Variants in SDR16C5 observed in about 807,000 individuals in gnomAD.
SDR16C5 encodes short chain dehydrogenase/reductase family 16C member 5.
A neutral mutation model predicts 27.7 loss-of-function variants in SDR16C5; 20 were observed. The observed-to-expected ratio is 0.72, with a 90% CI of 0.51 to 1.05. The LOEUF (loss-of-function observed/expected upper bound fraction) is 1.05. SDR16C5 is among the 50% of genes least tolerant of loss of function. The pLI is 0.00. For missense variants in SDR16C5, 374 were observed against 366.3 expected (o/e 1.02, Z -0.17); for synonymous variants, 139 against 132.3 (o/e 1.05, Z -0.35).
At chr8:56,310,280 GAGGAGGAGGAGGAAGGAGGAGGAGGAGGA>G in intron 3 of SDR16C5, among the ~76,000 whole-genome samples, 1 of 6,042 alleles carries the variant, frequency 1.7e-4, no homozygotes, top group Non-Finnish European at 3.8e-4. Flanking sequence ...GAGGAGGAAG[GAGGAGGAGGAGGAAGGAGGAGGAGGAGGA>G]AGGAGGAGGA....
At chr8:56,303,979 A>C in intron 6 of SDR16C5, 1 of 702,994 alleles carries the variant, frequency 1.4e-6, no homozygotes, top group Non-Finnish European at 2.6e-6. Context: ...GACTTAGTGA[A>C]TAGTGGGATC....
chr8:56,309,492 CT>C (rs1442386597), intron 3 of SDR16C5: 6 of 985,136 alleles, frequency 6.1e-6, no homozygotes, highest in Non-Finnish European at 7.2e-6. Context: ...TTAAACTCAT[CT>C]CTTATTTTTG....
chr8:56,314,019 C>T (rs1363158956), intron 2 of SDR16C5, among the ~76,000 whole-genome samples: 1 of 152,046 alleles, frequency 6.6e-6, no homozygotes, highest in African/African-American at 2.4e-5. Context: ...CCATCCTGGC[C>T]AACATGGTGA....
At chr8:56,309,054 T>C (rs1414734364) in intron 3 of SDR16C5, 27 bp from the exon 4 acceptor site, 1 of 1,482,686 alleles carries the variant, frequency 6.7e-7, no homozygotes, top group Non-Finnish European at 9.3e-7. Context: ...AAACTTTTAA[T>C]GTTTAATGCC....
intron 1 of SDR16C5, among the ~76,000 whole-genome samples, chr8:56,318,068 T>C (rs1432796250): frequency 6.6e-6 from 1 of 152,188 alleles, no homozygotes; most frequent in Non-Finnish European, 1.5e-5. Context: ...AAGCAACAGA[T>C]GTCTGCTGGA....
chr8:56,303,252 T>G (rs1046076764), intron 6 of SDR16C5, among the ~76,000 whole-genome samples: 2 of 150,626 alleles, frequency 1.3e-5, no homozygotes, highest in Non-Finnish European at 3.0e-5. Context: ...AAGGCGGGGG[T>G]TGCAGTGAGC....
At chr8:56,309,365 G>A in intron 3 of SDR16C5, 1 of 985,264 alleles carries the variant, frequency 1.0e-6, no homozygotes. Flanking sequence ...CAAACATGAT[G>A]CTTTAGATTT....
In SDR16C5 at chr8:56,310,552, T is replaced by C. The variant is rs548028258; in HGVS notation, c.466-1525A>G. Among the ~76,000 whole-genome samples, 36 of 152,012 alleles carry C rather than the reference T, an allele frequency of 2.4e-4. 3 individuals are homozygous for C. The South Asian group carries it at 7.5e-3, about 32-fold the overall frequency. ...GGCCAACATGGCAAAACCCTGTCTC[T>C]ACTAAAAGTACAAAAATTAGCTGGG... On this transcript the variant is annotated intron_variant, in intron 3 of 6. Coordinates refer to ENST00000303749, the MANE Select transcript of SDR16C5 (RefSeq NM_138969.4).
intron 5 of SDR16C5, among the ~76,000 whole-genome samples, chr8:56,305,961 T>A (rs149350775): frequency 3.0e-4 from 46 of 152,350 alleles, no homozygotes; most frequent in Admixed American, 2.2e-3. Flanking sequence ...ACAATATACA[T>A]ATACGTGAAA....
Position 56,305,698 on chromosome 8 carries a change from C to T in SDR16C5, c.735G>A (p.Leu245=), listed in dbSNP as rs758611295. The change falls in exon 6 of 7, where the codon CTG becomes CTA. Residue 245 remains leucine (L), a synonymous_variant. Transcript: ENST00000303749. ...TTTTTTCAACTGCATATTTTGGTTC[C>T]AGAATTGGCAACAGAGAAGGACAGC... ...TTGCPSLLPI[L]EPKYAVEKIV... 6.3e-7 allele frequency: 1 copy of T among 1,594,600 alleles called. No homozygotes were observed. Among genetic ancestry groups the T allele is most frequent in the Admixed American group, 1.8e-5 (1 of 56,024 alleles).
intron 2 of SDR16C5, among the ~76,000 whole-genome samples, chr8:56,313,601 A>C (rs1053764306): frequency 2.6e-5 from 4 of 152,214 alleles, no homozygotes; most frequent in Non-Finnish European, 4.4e-5. Context: ...GGACAGTAAA[A>C]ATACTGTAAT....
intron 3 of SDR16C5, chr8:56,309,527 C>A (rs1177987070): frequency 8.1e-6 from 8 of 985,086 alleles, no homozygotes; most frequent in Non-Finnish European, 9.6e-6. Flanking sequence ...AACAGAATAT[C>A]TATTAGAAAG....
Position 56,300,472 on chromosome 8 carries a change from T to C in SDR16C5, c.*1008A>G, listed in dbSNP as rs760904188. ...AGCCTGAGAAGGAGTTCCAGGGATATGGTAATTAACATATTTTTCTTAATC... is the reference window on the plus strand; with the variant it reads ...AGCCTGAGAAGGAGTTCCAGGGATACGGTAATTAACATATTTTTCTTAATC... On this transcript the variant is annotated 3_prime_UTR_variant, in exon 7 of 7. Coordinates refer to ENST00000303749, the MANE Select transcript of SDR16C5 (RefSeq NM_138969.4). The C allele has an allele frequency of 2.6e-5, 4 of 152,202 alleles. No homozygotes were observed. The highest frequency in any genetic ancestry group is 5.9e-5 in the Non-Finnish European group (4 of 68,038). The allele number at this position is 152,202 out of a possible 1,614,324, so 9.4% of individuals were successfully genotyped here.
chr8:56,301,348 C>A lies in SDR16C5; in HGVS notation c.*132G>T, dbSNP rs551318345. On this transcript the variant is annotated 3_prime_UTR_variant, in exon 7 of 7. Transcript: ENST00000303749. ...AAACACATTGATTGAAAATTCTAGT[C>A]CAGATAACAGAATAGGAGTGGTACT... 3.5e-6 allele frequency: 2 copies of A among 579,412 alleles called. No individual in the cohort carries two copies. Among genetic ancestry groups the A allele is most frequent in the Non-Finnish European group, 6.2e-6 (2 of 320,488 alleles). The allele number at this position is 579,412 out of a possible 1,614,324, so 35.9% of individuals were successfully genotyped here.
rs183696966 is a variant in SDR16C5 at position 56,312,329 on chromosome 8, T to C, written c.334-41A>G. On this transcript the variant is annotated intron_variant, in intron 2 of 6. Transcript: ENST00000303749. ...GCAACACCACCAATGTAGTAATTCCTTACATGGGCTAGGTTTTATTTTCCC... is the reference window on the plus strand; with the variant it reads ...GCAACACCACCAATGTAGTAATTCCCTACATGGGCTAGGTTTTATTTTCCC... 8 of 1,569,800 alleles carry C rather than the reference T, an allele frequency of 5.1e-6. No homozygotes were observed. The African/African-American group carries it at 6.8e-5, about 13-fold the overall frequency.
At position 56,300,728 on chromosome 8, in the gene SDR16C5, T is replaced by G. The variant is rs1053786598; in HGVS notation, c.*752A>C. ...ATCAATAGATAGCAAAAAACCTAAC[T>G]TGGTATAATTTCATCTTCAAAGTAA... On this transcript the variant is annotated 3_prime_UTR_variant, in exon 7 of 7. Coordinates refer to ENST00000303749, the MANE Select transcript of SDR16C5 (RefSeq NM_138969.4). The G allele has an allele frequency of 3.3e-5, 5 of 152,174 alleles. No homozygotes were observed. The highest frequency in any genetic ancestry group is 4.8e-5 in the African/African-American group (2 of 41,440). The allele number at this position is 152,174 out of a possible 1,614,324, so 9.4% of individuals were successfully genotyped here.
At chr8:56,308,225 G>A (rs1259632832) in intron 4 of SDR16C5, among the ~76,000 whole-genome samples, 2 of 152,330 alleles carry the variant, frequency 1.3e-5, no homozygotes, top group African/African-American at 2.4e-5. Flanking sequence ...TCTGTTATCC[G>A]AATGTTGCTG....
intron 6 of SDR16C5, among the ~76,000 whole-genome samples, chr8:56,303,618 T>C (rs1272286859): frequency 6.6e-6 from 1 of 152,188 alleles, no homozygotes; most frequent in Non-Finnish European, 1.5e-5. Context: ...GAATGTTTGG[T>C]GGAGTGTTTG....
rs1389824959 is a variant in SDR16C5 at position 56,301,550 on chromosome 8, A to C, written c.860T>G (p.Leu287Arg). ...LKSFLPLKTG[L>R]LIADYLGILH... ...GATGCCCAAATAGTCAGCTATAAGC[A>C]GTCCTGTCTTGAGGGGCAAAAAGCT... Residue 287 changes from leucine to arginine, a missense_variant, in exon 7 of 7, where the codon CTG becomes CGG. Coordinates refer to ENST00000303749, the MANE Select transcript of SDR16C5 (RefSeq NM_138969.4). The C allele has an allele frequency of 9.9e-6, 16 of 1,614,122 alleles. No individual in the cohort carries two copies. The highest frequency in any genetic ancestry group is 1.3e-5 in the Non-Finnish European group (15 of 1,179,944).
Sources: gnomAD v4.1 joint callset for allele counts (sites outside exome capture counted in the v4.1 genomes callset) on GRCh38, gnomAD v4.1.1 for gene constraint, MANE v1.5 for transcripts, NCBI Gene and HGNC (gene_info 2026-07-23, HGNC 2026-07-21) for gene names.